The following GRM7 variants were observed in gnomAD, a reference collection of about 807,000 sequenced individuals.
GRM7 encodes the protein metabotropic glutamate receptor 7.
In GRM7, 35 loss-of-function variants were observed where a neutral mutation model predicts 84.5. The observed-to-expected ratio is 0.41, with a 90% CI of 0.32 to 0.55. The LOEUF (loss-of-function observed/expected upper bound fraction) is 0.55. GRM7 is among the 20% of genes least tolerant of loss of function. GRM7 has a pLI of 0.19. For synonymous variants in GRM7, 487 were observed against 455.1 expected (o/e 1.07, Z -0.89); for missense variants, 1,003 against 1,194.6 (o/e 0.84, Z 2.36).
intron 9 of GRM7, among the ~76,000 whole-genome samples, chr3:7,688,531 T>C (rs1700671193): frequency 6.6e-6 from 1 of 152,168 alleles, no homozygotes; most frequent in African/African-American, 2.4e-5. Flanking sequence ...GTAGAACTGC[T>C]TCAAAATAAT....
intron 9 of GRM7, among the ~76,000 whole-genome samples, chr3:7,734,696 A>T (rs1312689873): frequency 6.6e-6 from 1 of 152,224 alleles, no homozygotes; most frequent in Non-Finnish European, 1.5e-5. Context: ...TTCTCCTGGG[A>T]GATGGAGAAA....
intron 2 of GRM7, among the ~76,000 whole-genome samples, chr3:7,286,134 C>T (rs1250886562): frequency 6.6e-6 from 1 of 152,142 alleles, no homozygotes; most frequent in Non-Finnish European, 1.5e-5. Flanking sequence ...TTTGCCAGAG[C>T]TAGCTTAATG....
chr3:7,067,778 G>C (rs774271172), intron 1 of GRM7, among the ~76,000 whole-genome samples: 1 of 151,928 alleles, frequency 6.6e-6, no homozygotes, highest in Non-Finnish European at 1.5e-5. Flanking sequence ...GTCTAGCTAT[G>C]TGCCCATGAG....
At chr3:7,725,781 T>G (rs550231555) in intron 9 of GRM7, among the ~76,000 whole-genome samples, 1 of 152,202 alleles carries the variant, frequency 6.6e-6, no homozygotes, top group Admixed American at 6.5e-5. Flanking sequence ...ACTTTCTACT[T>G]TCAACAGACA....
In GRM7 at chr3:7,064,505, C is replaced by CACATATACATATATATATATACACAT. The variant is rs1553612672; in HGVS notation, c.520-81946_520-81945insCATATACATATATATATATACACATA. On this transcript the variant is annotated intron_variant, in intron 1 of 9. Coordinates refer to ENST00000357716, the MANE Select transcript of GRM7 (RefSeq NM_000844.4). ...ACACACATATACATATATATATACACATATATATATATACACACACACACA... is the reference window on the plus strand; with the variant it reads ...ACACACATATACATATATATATACACACATATACATATATATATATACACATATATATATATATACACACACACACA... 2.7e-3 allele frequency among the ~76,000 whole-genome samples: 270 copies of CACATATACATATATATATATACACAT among 101,010 alleles called. 6 individuals carry two copies. Among genetic ancestry groups the CACATATACATATATATATATACACAT allele is most frequent in the African/African-American group, 8.7e-3 (231 of 26,630 alleles). The allele number at this position is 101,010 out of a possible 152,430, so 66.3% of individuals were successfully genotyped here. A position where few individuals can be genotyped will look rare whatever the true frequency, so the allele number is the denominator to read the frequency against.
At chr3:6,994,464 C>T (rs1694761850) in intron 1 of GRM7, among the ~76,000 whole-genome samples, 1 of 152,162 alleles carries the variant, frequency 6.6e-6, no homozygotes, top group Non-Finnish European at 1.5e-5. Flanking sequence ...ACTGTAGTAA[C>T]AATGTTCAAA....
At position 7,486,496 on chromosome 3, in the gene GRM7, G is replaced by T. The variant is rs745421716; in HGVS notation, c.1515+24774G>T. On this transcript the variant is annotated intron_variant, in intron 7 of 9. Coordinates refer to ENST00000357716, the MANE Select transcript of GRM7 (RefSeq NM_000844.4). This position sits in a 1 kb window ranked among gnomAD's most constrained non-coding sequence, Gnocchi z 5.5. ...TTATGAAGGGATTAATGCAGTCACT[G>T]GGAGAGTGAGTGAGTTTTTGCTTTC... is the stretch of plus-strand genomic sequence containing the variant. Among the ~76,000 whole-genome samples the T allele has an allele frequency of 6.6e-6, 1 of 152,118 alleles. No individual in the cohort carries two copies. Among genetic ancestry groups the T allele is most frequent in the African/African-American group, 2.4e-5 (1 of 41,428 alleles).
chr3:7,484,995 T>G lies in GRM7; in HGVS notation c.1515+23273T>G, dbSNP rs533365885. 1.2e-3 allele frequency among the ~76,000 whole-genome samples: 188 copies of G among 152,302 alleles called. 2 individuals carry two copies. The South Asian group carries it at 0.037, about 30-fold the overall frequency. On this transcript the variant is annotated intron_variant, in intron 7 of 9. Transcript: ENST00000357716. ...TTGTGACTTGCCCTATGGAGAGATC[T>G]GCATGGCAAGGAACTGAGGCACTTA... is the stretch of plus-strand genomic sequence containing the variant.
At chr3:7,047,303 G>T (rs1303169023) in intron 1 of GRM7, among the ~76,000 whole-genome samples, 1 of 152,030 alleles carries the variant, frequency 6.6e-6, no homozygotes, top group Non-Finnish European at 1.5e-5. Context: ...AAGTTTGTCA[G>T]TGCTTGCTAT....
At chr3:7,238,461 T>G (rs1697424313) in intron 2 of GRM7, among the ~76,000 whole-genome samples, 1 of 152,174 alleles carries the variant, frequency 6.6e-6, no homozygotes, top group South Asian at 2.1e-4. Context: ...CTGTTTTATT[T>G]TCTTCATATT....
At chr3:7,334,538 G>A (rs1701331316) in intron 4 of GRM7, among the ~76,000 whole-genome samples, 2 of 151,978 alleles carry the variant, frequency 1.3e-5, no homozygotes, top group Non-Finnish European at 2.9e-5. Context: ...GCAACAACTA[G>A]CATGATGAAT....
At chr3:6,941,139 C>T (rs1697878779) in intron 1 of GRM7, among the ~76,000 whole-genome samples, 2 of 152,144 alleles carry the variant, frequency 1.3e-5, no homozygotes, top group African/African-American at 2.4e-5. Context: ...AGCCTCCCCG[C>T]CTGGGAACCC....
chr3:7,538,396 G>A (rs372952349), intron 7 of GRM7, among the ~76,000 whole-genome samples: 205 of 152,298 alleles, frequency 1.3e-3, no homozygotes, highest in Non-Finnish European at 2.3e-3. Context: ...ACGGGCATGA[G>A]CCACAATGTT....
At chr3:6,912,869 C>G (rs1415911497) in intron 1 of GRM7, among the ~76,000 whole-genome samples, 2 of 151,834 alleles carry the variant, frequency 1.3e-5, no homozygotes, top group Admixed American at 1.3e-4. Flanking sequence ...TGAATAAAAC[C>G]ACATTTTCTG....
chr3:7,709,011 G>A (rs1021364862), intron 9 of GRM7, among the ~76,000 whole-genome samples: 3 of 151,954 alleles, frequency 2.0e-5, no homozygotes, highest in East Asian at 1.9e-4. Flanking sequence ...GCTTTTACCC[G>A]ATACATTGTT....
chr3:7,586,677 G>A (rs1695534362), intron 8 of GRM7, among the ~76,000 whole-genome samples: 1 of 152,114 alleles, frequency 6.6e-6, no homozygotes, highest in Non-Finnish European at 1.5e-5. Context: ...GCATGGTGGT[G>A]TGCATCTGTA....
At chr3:7,380,797 G>T (rs551116966) in intron 4 of GRM7, among the ~76,000 whole-genome samples, 2 of 152,128 alleles carry the variant, frequency 1.3e-5, no homozygotes, top group South Asian at 4.1e-4. Context: ...ACTGAGAAAA[G>T]AATTCCCTAA....
At chr3:7,677,228 C>T (rs1038496768) in intron 8 of GRM7, among the ~76,000 whole-genome samples, 10 of 139,548 alleles carry the variant, frequency 7.2e-5, no homozygotes, top group Non-Finnish European at 1.2e-4. Context: ...CACCACTGCT[C>T]TCCAACCTGG....
chr3:7,252,135 C>T (rs559850979), intron 2 of GRM7, among the ~76,000 whole-genome samples: 1 of 151,896 alleles, frequency 6.6e-6, no homozygotes, highest in South Asian at 2.1e-4. Context: ...CTTTTGATAG[C>T]GAAAGAGGGA....
Sources: allele counts gnomAD v4.1 joint callset (sites outside exome capture counted in the v4.1 genomes callset), GRCh38; gene constraint gnomAD v4.1.1; non-coding constraint Gnocchi (gnomAD v3.1); transcripts MANE v1.5; gene names NCBI Gene and HGNC (gene_info 2026-07-23, HGNC 2026-07-21).